The following ACBD5 variants were observed in gnomAD, a reference collection of about 807,000 sequenced individuals.
ACBD5 encodes acyl-CoA binding domain containing 5.
Under a neutral mutation model 71.8 loss-of-function variants are expected in ACBD5, and 40 were observed. The ratio of observed to expected loss-of-function variants is 0.56; its 90% CI spans 0.43 to 0.72. The LOEUF is 0.72. Ranked by LOEUF, ACBD5 falls within the 30% of genes least tolerant of loss-of-function variation. The pLI is 0.00. For missense variants in ACBD5, 559 were observed against 644.5 expected, an observed-to-expected ratio of 0.87 and a Z score of 1.44; for synonymous variants, 229 against 218.6, an observed-to-expected ratio of 1.05 and a Z score of -0.42.
chr10:27,241,921 A>T, upstream of ACBD5: 1 of 398,826 alleles, frequency 2.5e-6, no homozygotes, highest in Non-Finnish European at 5.2e-6. Context: ...GGAGTCCTGT[A>T]GCCCGGAAAT....
At chr10:27,228,028 A>T (rs2770202) in intron 4 of ACBD5, among the ~76,000 whole-genome samples, 79,362 of 151,530 alleles carry the variant, frequency 0.52, 23,561 homozygotes, top group Non-Finnish European at 0.68. Flanking sequence ...TCCATCTTTA[A>T]TGAGACCATC....
downstream of ACBD5, among the ~76,000 whole-genome samples, chr10:27,190,555 A>G (rs976014648): frequency 6.6e-6 from 1 of 152,224 alleles, no homozygotes; most frequent in African/African-American, 2.4e-5. Flanking sequence ...AACATCTTGA[A>G]GGACATTCGG....
At chr10:27,223,599 ATACT>A in intron 4 of ACBD5, 147 bp from the exon 5 acceptor site, 3 of 706,566 alleles carry the variant, frequency 4.2e-6, no homozygotes, top group Non-Finnish European at 7.3e-6. Context: ...CATTAATTAC[ATACT>A]TAATGTATAC....
At chr10:27,223,295 A>C in intron 5 of ACBD5, 43 bp downstream of exon 5, 2 of 1,368,298 alleles carry the variant, frequency 1.5e-6, no homozygotes, top group Non-Finnish European at 2.1e-6. Context: ...TATGTGCATA[A>C]TATATCAGTT....
Position 27,235,208 on chromosome 10 carries a change from T to C in ACBD5, c.186A>G (p.Ser62=), listed in dbSNP as rs1254279554. 1.2e-6 allele frequency: 2 copies of C among 1,613,936 alleles called. No homozygotes were observed. The highest frequency in any genetic ancestry group is 2.2e-5 in the South Asian group (2 of 91,082). Residue 62 remains serine, a synonymous_variant, in exon 3 of 13, where the codon TCA becomes TCG. Transcript: ENST00000396271. ...GCATCATTTCATTTGTTGGCTGGAA[T>C]GAACCTGTTGGAAACACACATTAAA... ...KVIQSLPKNG[S]FQPTNEMMLK...
chr10:27,222,115 G>A (rs916066362), intron 5 of ACBD5, among the ~76,000 whole-genome samples: 6 of 151,944 alleles, frequency 3.9e-5, no homozygotes, highest in Admixed American at 2.6e-4. Context: ...GACAAGGACC[G>A]ATTTCAGCAC....
Position 27,197,364 on chromosome 10 carries a change from C to A in ACBD5, c.*66G>T, listed in dbSNP as rs1175050657. On this transcript the variant is annotated 3_prime_UTR_variant, in exon 13 of 13. Transcript: ENST00000396271. The stretch of plus-strand genomic sequence containing the variant: ...ACAAACTAAGATTTTCTTGTGAACA[C>A]CACAATCCAGTTCATTCTGAGGTCA... 6.7e-7 allele frequency: 1 copy of A among 1,499,476 alleles called. No individual in the cohort carries two copies. Among genetic ancestry groups the A allele is most frequent in the African/African-American group, 1.4e-5 (1 of 72,712 alleles). 92.9% of individuals were successfully genotyped at this position (1,499,476 alleles called of 1,614,324 possible).
chr10:27,232,392 G>A (rs1285807484), intron 3 of ACBD5: 2 of 147,906 alleles, frequency 1.4e-5, no homozygotes, highest in Non-Finnish European at 2.9e-5. Flanking sequence ...GCAGTGGTGT[G>A]GTCTTGGCTC....
At chr10:27,201,836 T>C (rs1268469497) in intron 12 of ACBD5, among the ~76,000 whole-genome samples, 6 of 152,204 alleles carry the variant, frequency 3.9e-5, no homozygotes, top group African/African-American at 1.4e-4. Flanking sequence ...ATCAGACATA[T>C]CCTAGTATGT....
chr10:27,214,545 T>C (rs566227635), intron 8 of ACBD5, among the ~76,000 whole-genome samples: 1 of 132,184 alleles, frequency 7.6e-6, no homozygotes. Context: ...CCATTAAAAT[T>C]AAAAATTAAA....
downstream of ACBD5, among the ~76,000 whole-genome samples, chr10:27,191,235 A>G (rs2059064360): frequency 6.6e-6 from 1 of 152,164 alleles, no homozygotes; most frequent in Admixed American, 6.6e-5. Flanking sequence ...TTCCAAATAT[A>G]CGACACTGTA....
Position 27,204,542 on chromosome 10 carries a change from G to A in ACBD5, c.1463C>T (p.Ser488Phe). Residue 488 changes from serine to phenylalanine, a missense_variant, in exon 12 of 13, where the codon TCT becomes TTT. Coordinates refer to ENST00000396271, the MANE Select transcript of ACBD5 (RefSeq NM_145698.5). Reference sequence around the variant, plus strand: ...AGGAGACATCTCGAAGGGCCACCAAGATGGTCTCTGAGAAAATACAATAAG... The same window carrying A: ...AGGAGACATCTCGAAGGGCCACCAAAATGGTCTCTGAGAAAATACAATAAG... ...TAPQPTSQRP[S>F]WWPFEMSPGV... The A allele has an allele frequency of 6.2e-7, 1 of 1,613,308 alleles. No individual in the cohort carries two copies. The highest frequency in any genetic ancestry group is 8.5e-7 in the Non-Finnish European group (1 of 1,179,374).
chr10:27,241,989 G>C, upstream of ACBD5: 1 of 452,920 alleles, frequency 2.2e-6, no homozygotes, highest in South Asian at 1.6e-5. Context: ...GGGTTAGGAG[G>C]GTTACTAGGA....
intron 13 of ACBD5, among the ~76,000 whole-genome samples, chr10:27,187,689 T>C (rs1474574359): frequency 1.3e-5 from 2 of 151,708 alleles, no homozygotes; most frequent in Non-Finnish European, 2.9e-5. Context: ...GAGGTGGAGA[T>C]TGCAGTGAGC....
chr10:27,202,376 C>A (rs571878968), intron 12 of ACBD5, among the ~76,000 whole-genome samples: 1 of 152,064 alleles, frequency 6.6e-6, no homozygotes, highest in Non-Finnish European at 1.5e-5. Flanking sequence ...AGTTAACATA[C>A]AGTAAAAAAC....
intron 13 of ACBD5, among the ~76,000 whole-genome samples, chr10:27,185,361 G>A (rs192213963): frequency 2.1e-4 from 32 of 152,014 alleles, no homozygotes; most frequent in South Asian, 2.1e-4. Flanking sequence ...GGGTGGGCGC[G>A]GTGGCTCACA....
chr10:27,228,813 A>T (rs202056030), intron 4 of ACBD5, among the ~76,000 whole-genome samples: 173 of 7,596 alleles, frequency 0.023, 2 homozygotes, highest in Middle Eastern at 0.17. Context: ...ATATATATAT[A>T]TATTTTTTTT....
intron 13 of ACBD5, among the ~76,000 whole-genome samples, chr10:27,184,683 C>G (rs990820282): frequency 6.7e-6 from 1 of 150,072 alleles, no homozygotes; most frequent in Admixed American, 6.7e-5. Context: ...GCCTCAGCCT[C>G]CCAAATAGCT....
chr10:27,218,495 C>T (rs959680334), intron 6 of ACBD5, among the ~76,000 whole-genome samples: 1 of 152,062 alleles, frequency 6.6e-6, no homozygotes, highest in Non-Finnish European at 1.5e-5. Flanking sequence ...CCTAGCAGTG[C>T]GAAGGGGTCC....
Sources: allele counts gnomAD v4.1 joint callset (sites outside exome capture counted in the v4.1 genomes callset), GRCh38; gene constraint gnomAD v4.1.1; transcripts MANE v1.5; gene names NCBI Gene and HGNC (gene_info 2026-07-23, HGNC 2026-07-21).